DSCAM: variants seen among roughly 807,000 people sequenced by gnomAD.
The protein encoded by DSCAM is DS cell adhesion molecule, also known as cell adhesion molecule DSCAM.
In DSCAM, 47 loss-of-function variants were observed where a neutral mutation model predicts 217.7. That is an observed-to-expected ratio of 0.22 (90% CI 0.17 to 0.28). The LOEUF (loss-of-function observed/expected upper bound fraction) is 0.28, where lower values mean the gene tolerates loss of function less well. Among genes scored for constraint, DSCAM ranks in the 10% least tolerant of loss-of-function variants. The pLI, the probability that DSCAM is intolerant of heterozygous loss-of-function variation, is 1.00. For synonymous variants in DSCAM, 1,056 were observed against 1,015.3 expected, an observed-to-expected ratio of 1.04 and a Z score of -0.76; for missense variants, 2,080 against 2,618.3, an observed-to-expected ratio of 0.79 and a Z score of 4.49.
chr21:40,616,661 A>C (rs932345248), intron 3 of DSCAM, among the ~76,000 whole-genome samples: 1 of 152,102 alleles, frequency 6.6e-6, no homozygotes, highest in East Asian at 1.9e-4. Flanking sequence ...TTTTCACTGT[A>C]ATGAACCATA....
intron 1 of DSCAM, among the ~76,000 whole-genome samples, chr21:40,813,496 T>C (rs1052623208): frequency 2.0e-5 from 3 of 152,170 alleles, no homozygotes; most frequent in African/African-American, 7.2e-5. Flanking sequence ...TCTCAGTGGT[T>C]TTGGCAAGTT....
intron 9 of DSCAM, among the ~76,000 whole-genome samples, chr21:40,310,897 G>A (rs1296631647): frequency 1.3e-5 from 2 of 152,130 alleles, no homozygotes; most frequent in African/African-American, 4.8e-5. Context: ...AGGCTGCTAA[G>A]TTTGTGTCTA....
chr21:40,234,680 C>A (rs1032595023), intron 11 of DSCAM, among the ~76,000 whole-genome samples: 1 of 152,194 alleles, frequency 6.6e-6, no homozygotes, highest in African/African-American at 2.4e-5. Flanking sequence ...TCTGCAGTCA[C>A]ATGGTCTCTG....
intron 3 of DSCAM, among the ~76,000 whole-genome samples, chr21:40,450,912 C>T (rs745960712): frequency 1.1e-4 from 16 of 152,138 alleles, no homozygotes; most frequent in Admixed American, 6.5e-5. Flanking sequence ...ATTTTATAAA[C>T]GTGTGAATCT....
intron 23 of DSCAM, among the ~76,000 whole-genome samples, chr21:40,084,969 G>A (rs2089512071): frequency 1.3e-5 from 2 of 150,566 alleles, no homozygotes; most frequent in African/African-American, 4.9e-5. Context: ...ATCCAAAGAA[G>A]CACACACTTT....
At chr21:40,776,083 C>T (rs2091485650) in intron 1 of DSCAM, among the ~76,000 whole-genome samples, 2 of 151,994 alleles carry the variant, frequency 1.3e-5, no homozygotes, top group African/African-American at 4.8e-5. Flanking sequence ...AGTGTTTATG[C>T]TTGCAAAAAT....
intron 11 of DSCAM, among the ~76,000 whole-genome samples, chr21:40,246,354 TAAAAAAAAAAAAAA>T (rs34308158): frequency 8.6e-4 from 12 of 13,932 alleles, no homozygotes; most frequent in African/African-American, 1.1e-3. Flanking sequence ...CAGTCCGTAC[TAAAAAAAAAAAAAA>T]AAAAAAAAAA....
At chr21:40,151,099 G>A (rs183135456) in intron 16 of DSCAM, among the ~76,000 whole-genome samples, 2 of 151,960 alleles carry the variant, frequency 1.3e-5, no homozygotes, top group African/African-American at 2.4e-5. Context: ...AGATCTGATC[G>A]CTGCCTCATC....
chr21:40,726,373 T>G (rs978312367), intron 1 of DSCAM, among the ~76,000 whole-genome samples: 1 of 152,116 alleles, frequency 6.6e-6, no homozygotes, highest in Non-Finnish European at 1.5e-5. Context: ...AATATTGATC[T>G]AACCCCAAAT....
chr21:40,709,290 T>C (rs1238649529), intron 1 of DSCAM, among the ~76,000 whole-genome samples: 1 of 152,242 alleles, frequency 6.6e-6, no homozygotes, highest in Admixed American at 6.5e-5. Context: ...AGGGTTATTA[T>C]GCAATGAAAT....
At chr21:40,238,967 T>G (rs1023516826) in intron 11 of DSCAM, among the ~76,000 whole-genome samples, 2 of 152,180 alleles carry the variant, frequency 1.3e-5, no homozygotes, top group Non-Finnish European at 2.9e-5. Context: ...AAAAGTAGAT[T>G]CTAATTTGAG....
Position 40,832,076 on chromosome 21 carries a change from C to A in DSCAM, c.43+14543G>T, listed in dbSNP as rs192509527. Among the ~76,000 whole-genome samples, 44 of 152,272 alleles carry A rather than the reference C, an allele frequency of 2.9e-4. No individual in the cohort carries two copies. In the East Asian group the frequency reaches 6.2e-3, roughly 21 times the overall value. ...GGGCCTGATAGTCAACATTTCCAAA[C>A]CCTGGTTTTGCAATCTGTAAAACTG... On this transcript the variant is annotated intron_variant, in intron 1 of 32. Coordinates refer to ENST00000400454, the MANE Select transcript of DSCAM (RefSeq NM_001389.5).
rs544558285 is a variant in DSCAM at position 40,454,747 on chromosome 21, A to G, written c.509-85502T>C. Among the ~76,000 whole-genome samples, 51 of 152,334 alleles carry G rather than the reference A, an allele frequency of 3.3e-4. 1 individual carries two copies. The highest frequency in any genetic ancestry group is 3.4e-3 in the Middle Eastern group (1 of 294). Reference sequence around the variant, plus strand: ...AGAAGCATTCTTCTCAAAGTAGGGTAAATATACAGAGAGGAAACACTACCA... The same window carrying G: ...AGAAGCATTCTTCTCAAAGTAGGGTGAATATACAGAGAGGAAACACTACCA... On this transcript the variant is annotated intron_variant, in intron 3 of 32. Transcript: ENST00000400454.
rs146007858 is a variant in DSCAM at position 40,398,928 on chromosome 21, G to T, written c.509-29683C>A. 1.7e-3 allele frequency among the ~76,000 whole-genome samples: 259 copies of T among 152,196 alleles called. 4 individuals are homozygous for T. In the East Asian group the frequency reaches 0.023, roughly 14 times the overall value. On this transcript the variant is annotated intron_variant, in intron 3 of 32. Transcript: ENST00000400454. Reference sequence around the variant, plus strand: ...AAGAAGAGGCAATATTGTTTTCTTTGTATCTCCCATGTAAGTACTTGTTGC... The same window carrying T: ...AAGAAGAGGCAATATTGTTTTCTTTTTATCTCCCATGTAAGTACTTGTTGC...
At chr21:40,658,486 G>C (rs746384717) in intron 3 of DSCAM, among the ~76,000 whole-genome samples, 1 of 152,220 alleles carries the variant, frequency 6.6e-6, no homozygotes, top group Non-Finnish European at 1.5e-5. Flanking sequence ...ATAGGTCACA[G>C]TGAGCTGAGA....
intron 3 of DSCAM, among the ~76,000 whole-genome samples, chr21:40,487,300 CGTGCGT>C (rs1212565701): frequency 3.1e-5 from 3 of 96,662 alleles, no homozygotes; most frequent in African/African-American, 1.4e-4. Flanking sequence ...TGCGTGTGTG[CGTGCGT>C]GTGTGTGTGT....
chr21:40,784,261 T>C (rs933678774), intron 1 of DSCAM, among the ~76,000 whole-genome samples: 2 of 152,120 alleles, frequency 1.3e-5, no homozygotes, highest in African/African-American at 2.4e-5. Flanking sequence ...TATACTGTTC[T>C]CATGGTGGTG....
chr21:40,064,116 G>GTA (rs35690892), intron 27 of DSCAM, among the ~76,000 whole-genome samples: 48,449 of 148,912 alleles, frequency 0.33, 8,645 homozygotes, highest in Non-Finnish European at 0.41. Context: ...CACTTACAAA[G>GTA]TATATATATA....
intron 11 of DSCAM, among the ~76,000 whole-genome samples, chr21:40,249,892 A>G (rs1356548919): frequency 1.3e-5 from 2 of 152,172 alleles, no homozygotes; most frequent in East Asian, 3.9e-4. Flanking sequence ...AAGAGGCCTC[A>G]AGGTATTTTG....
Sources: allele counts gnomAD v4.1 joint callset (sites outside exome capture counted in the v4.1 genomes callset), GRCh38; gene constraint gnomAD v4.1.1; transcripts MANE v1.5; gene names NCBI Gene and HGNC (gene_info 2026-07-23, HGNC 2026-07-21).